SEMA6D: variants seen among roughly 807,000 people sequenced by gnomAD.
The protein encoded by SEMA6D is semaphorin-6D.
In SEMA6D, 35 loss-of-function variants were observed where a neutral mutation model predicts 106.6. The observed-to-expected ratio is 0.33, with a 90% CI of 0.25 to 0.44. The LOEUF (loss-of-function observed/expected upper bound fraction) is 0.44, where lower values mean the gene tolerates loss of function less well. Among genes scored for constraint, SEMA6D ranks in the 20% least tolerant of loss-of-function variants. The probability of loss-of-function intolerance (pLI) is 1.00; values close to 1 mark genes in which losing one functional copy is unlikely to be tolerated. For missense variants in SEMA6D, 1,185 were observed against 1,345.9 expected (o/e 0.88, Z 1.87); for synonymous variants, 499 against 487.7 (o/e 1.02, Z -0.31).
chr15:47,460,348 G>A, intron 2 of SEMA6D, among the ~76,000 whole-genome samples: 1 of 152,082 alleles, frequency 6.6e-6, no homozygotes, highest in Non-Finnish European at 1.5e-5. Context: ...AAGCCAACAA[G>A]AAGGGGCAAA....
At chr15:47,487,345 T>C (rs2043326879) in intron 3 of SEMA6D, among the ~76,000 whole-genome samples, 1 of 152,186 alleles carries the variant, frequency 6.6e-6, no homozygotes, top group African/African-American at 2.4e-5. Context: ...CCAACCCCTC[T>C]TCTTCTAAGA....
At chr15:47,342,924 G>A (rs1272334483) in intron 1 of SEMA6D, among the ~76,000 whole-genome samples, 2 of 152,134 alleles carry the variant, frequency 1.3e-5, no homozygotes, top group African/African-American at 4.8e-5. Context: ...TGTTGGCCAA[G>A]CTGATCTCCG....
intron 2 of SEMA6D, among the ~76,000 whole-genome samples, chr15:47,455,937 A>G (rs2042332789): frequency 6.6e-6 from 1 of 151,886 alleles, no homozygotes; most frequent in Non-Finnish European, 1.5e-5. Context: ...GGGACCCTCA[A>G]ATTCTATAGC....
chr15:47,291,870 GTCTC>G (rs917015849), intron 1 of SEMA6D, among the ~76,000 whole-genome samples: 8 of 151,916 alleles, frequency 5.3e-5, no homozygotes, highest in Middle Eastern at 3.4e-3. Context: ...CTCTGTCTCT[GTCTC>G]TCTCTCTCAA....
At chr15:47,655,205 G>A (rs565543552) in intron 4 of SEMA6D, among the ~76,000 whole-genome samples, 32 of 152,304 alleles carry the variant, frequency 2.1e-4, no homozygotes, top group Admixed American at 6.5e-4. Flanking sequence ...CAATGGATCC[G>A]AACCTAGCTG....
At chr15:47,384,836 T>TTTTG (rs2039772777) in intron 1 of SEMA6D, among the ~76,000 whole-genome samples, 1 of 134,900 alleles carries the variant, frequency 7.4e-6, no homozygotes, top group Non-Finnish European at 1.6e-5. Context: ...TTTTTTTTTT[T>TTTTG]TTTTTTTTTG....
At chr15:47,593,405 C>CAAAA (rs35561269) in intron 3 of SEMA6D, among the ~76,000 whole-genome samples, 1 of 59,930 alleles carries the variant, frequency 1.7e-5, no homozygotes, top group African/African-American at 6.6e-5. Context: ...AACTCCGTCT[C>CAAAA]AAAAAAAAAA....
chr15:47,672,239 G>T (rs1358658460), intron 4 of SEMA6D, among the ~76,000 whole-genome samples: 1 of 152,178 alleles, frequency 6.6e-6, no homozygotes, highest in East Asian at 1.9e-4. Context: ...ATACCACTGT[G>T]CTTTCCTGCT....
chr15:47,761,084 T>C (rs376339849), intron 4 of SEMA6D, 46 bp downstream of exon 4: 16 of 1,611,416 alleles, frequency 9.9e-6, no homozygotes, highest in Admixed American at 1.7e-5. Flanking sequence ...CCTCTGAACC[T>C]GATTAATTTT....
chr15:47,319,912 A>G (rs78040786), intron 1 of SEMA6D, among the ~76,000 whole-genome samples: 108 of 152,136 alleles, frequency 7.1e-4, no homozygotes, highest in Middle Eastern at 6.8e-3. Flanking sequence ...CAATTCATCA[A>G]TTACAGTTTG....
chr15:47,467,738 T>A (rs1486277714), intron 2 of SEMA6D, among the ~76,000 whole-genome samples: 1 of 152,188 alleles, frequency 6.6e-6, no homozygotes, highest in East Asian at 1.9e-4. Flanking sequence ...TGCTAAGAGA[T>A]CATTGATATA....
chr15:47,678,950 T>C (rs1194871748), intron 4 of SEMA6D, among the ~76,000 whole-genome samples: 1 of 152,190 alleles, frequency 6.6e-6, no homozygotes, highest in Non-Finnish European at 1.5e-5. Context: ...AGCCAGGATG[T>C]CTGACTCCAA....
At chr15:47,568,023 C>G (rs544423877) in intron 3 of SEMA6D, among the ~76,000 whole-genome samples, 32 of 151,956 alleles carry the variant, frequency 2.1e-4, no homozygotes, top group Non-Finnish European at 4.3e-4. Flanking sequence ...TTATTTAACC[C>G]CAGTGAAATT....
intron 1 of SEMA6D, among the ~76,000 whole-genome samples, chr15:47,271,772 C>G (rs1020025775): frequency 4.6e-5 from 7 of 152,198 alleles, no homozygotes; most frequent in Admixed American, 1.3e-4. Context: ...ATTAAAGAAC[C>G]AGGAGTGAGA....
intron 4 of SEMA6D, among the ~76,000 whole-genome samples, chr15:47,711,624 C>G (rs1315285007): frequency 6.6e-6 from 1 of 152,138 alleles, no homozygotes; most frequent in Non-Finnish European, 1.5e-5. Context: ...ATTTTTATCC[C>G]AGAACATCAG....
At position 47,746,343 on chromosome 15, in the gene SEMA6D, T is replaced by C. The variant is rs573630724; in HGVS notation, c.-54-13402T>C. Among the ~76,000 whole-genome samples, 3 of 152,320 alleles carry C rather than the reference T, an allele frequency of 2.0e-5. No individual in the cohort carries two copies. The South Asian group carries it at 6.2e-4, about 32-fold the overall frequency. ...ATTGTTGTTGGCAGTGATGCTAACA[T>C]AGATCATTGAACTCTGTTGTGACAT... On this transcript the variant is annotated intron_variant, in intron 1 of 18. Coordinates refer to ENST00000536845, the MANE Select transcript of SEMA6D (RefSeq NM_001358351.3).
At chr15:47,484,500 A>C (rs2043240156) in intron 3 of SEMA6D, among the ~76,000 whole-genome samples, 1 of 152,166 alleles carries the variant, frequency 6.6e-6, no homozygotes, top group South Asian at 2.1e-4. Flanking sequence ...TTTTGATTAA[A>C]CATTTTGTTT....
At chr15:47,273,202 C>T (rs1390863229) in intron 1 of SEMA6D, among the ~76,000 whole-genome samples, 1 of 151,708 alleles carries the variant, frequency 6.6e-6, no homozygotes, top group Non-Finnish European at 1.5e-5. Context: ...GTTGATGCCC[C>T]AAGAGTGAGA....
chr15:47,375,051 T>C (rs1172413719), intron 1 of SEMA6D, among the ~76,000 whole-genome samples: 1 of 152,246 alleles, frequency 6.6e-6, no homozygotes, highest in Non-Finnish European at 1.5e-5. Context: ...ATCTGTGTCA[T>C]TCTTATTTCT....
Sources: allele counts gnomAD v4.1 joint callset (sites outside exome capture counted in the v4.1 genomes callset), GRCh38; gene constraint gnomAD v4.1.1; transcripts MANE v1.5; gene names NCBI Gene and HGNC (gene_info 2026-07-23, HGNC 2026-07-21).